The following GCLM variants were observed in gnomAD, a reference collection of about 807,000 sequenced individuals.
GCLM encodes the protein glutamate-cysteine ligase modifier subunit.
In GCLM, 15 loss-of-function variants were observed where a neutral mutation model predicts 36.0. The observed-to-expected ratio is 0.42, with a 90% confidence interval of 0.28 to 0.64. GCLM has a LOEUF of 0.64. Ranked by LOEUF, GCLM falls within the 30% of genes least tolerant of loss-of-function variation. The pLI is 0.25. For synonymous variants in GCLM, 129 were observed against 122.8 expected, an observed-to-expected ratio of 1.05 and a Z score of -0.34; for missense variants, 242 against 325.5, an observed-to-expected ratio of 0.74 and a Z score of 1.97.
In GCLM at chr1:93,896,531, A is replaced by C. The variant is rs940874438; in HGVS notation, c.540+87T>G. The C allele has an allele frequency of 2.5e-5, 27 of 1,060,818 alleles. No homozygotes were observed. The South Asian group carries it at 3.5e-4, about 14-fold the overall frequency. 65.7% of individuals were successfully genotyped at this position (1,060,818 alleles called of 1,614,324 possible). A position where few individuals can be genotyped will look rare whatever the true frequency, so the allele number is the denominator to read the frequency against. ...GAAAAGTCACCCCGCAGGGGTGGCC[A>C]CTATGTGCATGATGCTCAACAGTGT... On this transcript the variant is annotated intron_variant, in intron 5 of 6. Transcript: ENST00000370238.
chr1:93,890,622 A>G (rs1052204577), intron 6 of GCLM, among the ~76,000 whole-genome samples: 1 of 152,148 alleles, frequency 6.6e-6, no homozygotes, highest in Admixed American at 6.5e-5. Context: ...TTCATTATCA[A>G]CTATGTCTTA....
At chr1:93,895,963 CT>C (rs577913729) in intron 5 of GCLM, among the ~76,000 whole-genome samples, 130 of 133,500 alleles carry the variant, frequency 9.7e-4, no homozygotes, top group South Asian at 9.6e-4. Flanking sequence ...GTTTTTCTTT[CT>C]TTTTTTTTTT....
intron 6 of GCLM, among the ~76,000 whole-genome samples, chr1:93,893,242 C>T (rs1656599203): frequency 6.6e-6 from 1 of 152,178 alleles, no homozygotes; most frequent in Non-Finnish European, 1.5e-5. Flanking sequence ...GTTCCTTTCA[C>T]TCTGAGGCTC....
chr1:93,904,472 A>T (rs1282836741), intron 2 of GCLM, 51 bp downstream of exon 2: 1 of 1,123,380 alleles, frequency 8.9e-7, no homozygotes, highest in Non-Finnish European at 1.4e-6. Context: ...CTTCCTGTTT[A>T]CTTTACTTCC....
At chr1:93,901,725 A>G in intron 2 of GCLM, 56 bp from the exon 3 acceptor site, 1 of 957,942 alleles carries the variant, frequency 1.0e-6, no homozygotes, top group Non-Finnish European at 1.6e-6. Context: ...CTGATTAATT[A>G]TAAAATTTTC....
chr1:93,895,830 C>A (rs951033562), intron 5 of GCLM, among the ~76,000 whole-genome samples: 1 of 152,128 alleles, frequency 6.6e-6, no homozygotes, highest in Non-Finnish European at 1.5e-5. Flanking sequence ...CACTCCATAT[C>A]AAGTTGTATG....
Position 93,887,215 on chromosome 1 carries a change from G to C in GCLM, c.*1775C>G, listed in dbSNP as rs1445386152. The C allele has an allele frequency of 1.3e-5, 2 of 152,008 alleles. No homozygotes were observed. The highest frequency in any genetic ancestry group is 1.3e-4 in the Admixed American group (2 of 15,250). The allele number at this position is 152,008 out of a possible 1,614,324, so 9.4% of individuals were successfully genotyped here. A position where few individuals can be genotyped will look rare whatever the true frequency, so the allele number is the denominator to read the frequency against. ...TCACCATGTTAGCCAGGCTGGTCTA[G>C]AACTCCTGACCTCAGGTGATCATCT... On this transcript the variant is annotated 3_prime_UTR_variant, in exon 7 of 7. Coordinates refer to ENST00000370238, the MANE Select transcript of GCLM (RefSeq NM_002061.4).
intron 6 of GCLM, among the ~76,000 whole-genome samples, chr1:93,890,780 C>A (rs1401061209): frequency 6.6e-6 from 1 of 152,084 alleles, no homozygotes; most frequent in African/African-American, 2.4e-5. Context: ...TAGATACACG[C>A]TATATTGCCA....
At chr1:93,898,587 G>A (rs1329845704) in intron 3 of GCLM, among the ~76,000 whole-genome samples, 1 of 151,892 alleles carries the variant, frequency 6.6e-6, no homozygotes, top group East Asian at 1.9e-4. Context: ...GGACCCTCCC[G>A]CTTCGGCTTC....
rs534367968 is a variant in GCLM at position 93,888,037 on chromosome 1, T to C, written c.*953A>G. 1 of 152,332 alleles carries C rather than the reference T, an allele frequency of 6.6e-6. No individual in the cohort carries two copies. Among genetic ancestry groups the C allele is most frequent in the East Asian group, 1.9e-4 (1 of 5,186 alleles). 9.4% of individuals were successfully genotyped at this position (152,332 alleles called of 1,614,324 possible). A position where few individuals can be genotyped will look rare whatever the true frequency, so the allele number is the denominator to read the frequency against. The stretch of plus-strand genomic sequence containing the variant: ...AATGTCGGCCCTGAATTAAGGATTT[T>C]TTTTTCATCCCCTTTCTGGCTTTTA... On this transcript the variant is annotated 3_prime_UTR_variant, in exon 7 of 7. Transcript: ENST00000370238.
At chr1:93,890,879 A>ATT (rs111797625) in intron 6 of GCLM, among the ~76,000 whole-genome samples, 61 of 135,596 alleles carry the variant, frequency 4.5e-4, no homozygotes, top group African/African-American at 1.0e-3. Context: ...TTTCTTTTCT[A>ATT]TTTTTTTTTT....
intron 3 of GCLM, among the ~76,000 whole-genome samples, chr1:93,899,508 G>A (rs1304179797): frequency 2.6e-5 from 4 of 151,914 alleles, no homozygotes; most frequent in Admixed American, 6.6e-5. Context: ...TTCTGTTTTC[G>A]CATATATAAT....
intron 6 of GCLM, among the ~76,000 whole-genome samples, chr1:93,894,275 A>G (rs1445813089): frequency 6.6e-6 from 1 of 151,570 alleles, no homozygotes; most frequent in African/African-American, 2.4e-5. Context: ...AAAAAAATCA[A>G]GTGGCCTTTT....
chr1:93,901,690 A>G (rs1175240014), intron 2 of GCLM, 21 bp from the exon 3 acceptor site: 2 of 1,202,320 alleles, frequency 1.7e-6, no homozygotes, highest in East Asian at 4.7e-5. Flanking sequence ...CACAATATTT[A>G]AAACAAATAT....
intron 1 of GCLM, among the ~76,000 whole-genome samples, chr1:93,905,857 T>A (rs1557733600): frequency 6.6e-6 from 1 of 152,182 alleles, no homozygotes; most frequent in Non-Finnish European, 1.5e-5. Context: ...CTCACTGAAC[T>A]GATTTATGAC....
At chr1:93,902,840 C>A (rs551345892) in intron 2 of GCLM, among the ~76,000 whole-genome samples, 1 of 134,694 alleles carries the variant, frequency 7.4e-6, no homozygotes, top group East Asian at 2.2e-4. Context: ...CTGCTAACCC[C>A]TGGCAACAAC....
At chr1:93,900,177 C>G (rs966550241) in intron 3 of GCLM, among the ~76,000 whole-genome samples, 1 of 152,094 alleles carries the variant, frequency 6.6e-6, no homozygotes, top group African/African-American at 2.4e-5. Context: ...CTATTTTGGT[C>G]TAACTTTAGC....
intron 6 of GCLM, among the ~76,000 whole-genome samples, chr1:93,889,625 T>G (rs1283785932): frequency 6.6e-6 from 1 of 151,882 alleles, no homozygotes; most frequent in African/African-American, 2.4e-5. Context: ...TCTATATATC[T>G]CTAGATCTTA....
chr1:93,898,376 C>G (rs564213437), intron 3 of GCLM, among the ~76,000 whole-genome samples: 50 of 142,318 alleles, frequency 3.5e-4, no homozygotes, highest in Non-Finnish European at 6.6e-4. Context: ...TTTTCAGACA[C>G]TATCTTCCAG....
Sources: gnomAD v4.1 joint callset for allele counts (sites outside exome capture counted in the v4.1 genomes callset) on GRCh38, gnomAD v4.1.1 for gene constraint, MANE v1.5 for transcripts, NCBI Gene and HGNC (gene_info 2026-07-23, HGNC 2026-07-21) for gene names.